The following RIN3 variants were observed in gnomAD, a reference collection of about 807,000 sequenced individuals.
RIN3 encodes Ras and Rab interactor 3.
Under a neutral mutation model 76.3 loss-of-function variants are expected in RIN3, and 54 were observed. The observed-to-expected ratio is 0.71, with a 90% CI of 0.57 to 0.89. The LOEUF is 0.89. Ranked by LOEUF, RIN3 falls within the 40% of genes least tolerant of loss-of-function variation. The pLI is 0.00. For synonymous variants in RIN3, 576 were observed against 564.0 expected (o/e 1.02, Z -0.30); for missense variants, 1,256 against 1,322.1 (o/e 0.95, Z 0.78).
At chr14:92,601,975 C>A (rs986992398) in intron 3 of RIN3, among the ~76,000 whole-genome samples, 6 of 152,242 alleles carry the variant, frequency 3.9e-5, no homozygotes, top group Admixed American at 6.5e-5. Flanking sequence ...TACGCACTTG[C>A]TCAATACGAA....
chr14:92,653,123 C>T (rs1050046368), intron 6 of RIN3, 48 bp downstream of exon 6: 4 of 1,543,776 alleles, frequency 2.6e-6, no homozygotes, highest in African/African-American at 2.7e-5. Flanking sequence ...CGGTGGGGCT[C>T]ACAGACTCAG....
At chr14:92,641,002 C>A (rs975969771) in intron 4 of RIN3, among the ~76,000 whole-genome samples, 1 of 152,042 alleles carries the variant, frequency 6.6e-6, no homozygotes, top group Admixed American at 6.5e-5. Context: ...GCAGTGACCC[C>A]GCCCCGCCAC....
intron 3 of RIN3, among the ~76,000 whole-genome samples, chr14:92,582,447 T>TC (rs1884586393): frequency 7.4e-6 from 1 of 135,882 alleles, no homozygotes; most frequent in Admixed American, 7.5e-5. Flanking sequence ...TTTTACTTTT[T>TC]TTTTTTTTTT....
intron 3 of RIN3, among the ~76,000 whole-genome samples, chr14:92,612,627 A>G (rs1265257199): frequency 6.6e-6 from 1 of 152,250 alleles, no homozygotes; most frequent in East Asian, 1.9e-4. Context: ...CTGCCCCAGC[A>G]TGCAGGGTCT....
intron 1 of RIN3, among the ~76,000 whole-genome samples, chr14:92,518,618 A>T (rs924585462): frequency 2.0e-5 from 3 of 152,154 alleles, no homozygotes; most frequent in Non-Finnish European, 4.4e-5. Flanking sequence ...TGTGCTCCTG[A>T]TACTTGTCAG....
intron 3 of RIN3, among the ~76,000 whole-genome samples, chr14:92,594,295 G>C (rs1885081740): frequency 6.6e-6 from 1 of 152,138 alleles, no homozygotes; most frequent in Non-Finnish European, 1.5e-5. Flanking sequence ...AGCTGGGCAT[G>C]GTGGCGCATG....
intron 1 of RIN3, among the ~76,000 whole-genome samples, chr14:92,537,630 G>A (rs1009794822): frequency 8.1e-6 from 1 of 123,392 alleles, no homozygotes; most frequent in African/African-American, 2.8e-5. Flanking sequence ...GAGTGCCTTA[G>A]GGACTTTTTT....
intron 3 of RIN3, among the ~76,000 whole-genome samples, chr14:92,583,771 C>T (rs1884651652): frequency 6.6e-6 from 1 of 152,164 alleles, no homozygotes; most frequent in Non-Finnish European, 1.5e-5. Flanking sequence ...GCATAGTATT[C>T]CATGGTGTAT....
chr14:92,657,094 C>T (rs1035448184), intron 6 of RIN3, among the ~76,000 whole-genome samples: 6 of 152,294 alleles, frequency 3.9e-5, no homozygotes, highest in East Asian at 3.9e-4. Context: ...TGTGGTGGCT[C>T]ACACCTGTAA....
intron 1 of RIN3, among the ~76,000 whole-genome samples, chr14:92,522,189 C>A (rs1319522647): frequency 6.6e-6 from 1 of 152,158 alleles, no homozygotes; most frequent in South Asian, 2.1e-4. Context: ...AGAGCACCTT[C>A]TTCCCCCTCC....
Position 92,688,601 on chromosome 14 carries a change from C to G in RIN3, c.*349C>G. 1 of 314,990 alleles carries G rather than the reference C, an allele frequency of 3.2e-6. No individual in the cohort carries two copies. The highest frequency in any genetic ancestry group is 5.4e-5 in the South Asian group (1 of 18,620). The allele number at this position is 314,990 out of a possible 1,614,324, so 19.5% of individuals were successfully genotyped here. ...TCCCCATGAGTCCCCCACACCCACC[C>G]CATCCTCGGTCTTTGCAAAGAAGGG... On this transcript the variant is annotated 3_prime_UTR_variant, in exon 10 of 10. Transcript: ENST00000216487.
chr14:92,516,085 C>T lies in RIN3; in HGVS notation c.44+2109C>T, dbSNP rs1403786592. Among the ~76,000 whole-genome samples the T allele has an allele frequency of 2.6e-5, 4 of 152,142 alleles. No individual in the cohort carries two copies. The East Asian group carries it at 7.7e-4, about 29-fold the overall frequency. ...TAGGGAGAGACCTAGCAGGCACCCC[C>T]ATGCAGCCCCACCATAGCAACTAGA... On this transcript the variant is annotated intron_variant, in intron 1 of 9. Coordinates refer to ENST00000216487, the MANE Select transcript of RIN3 (RefSeq NM_024832.5).
rs554356483 is a variant in RIN3, at chr14:92,562,014, C to T, written c.249+6059C>T. The stretch of plus-strand genomic sequence containing the variant: ...TTTTACCTAGCGTCTTTTCTCTGCT[C>T]CGGGATCCCATCCCATGTTACATTT... On this transcript the variant is annotated intron_variant, in intron 2 of 9. Transcript: ENST00000216487. Among the ~76,000 whole-genome samples the T allele has an allele frequency of 3.9e-5, 6 of 152,280 alleles. No individual in the cohort carries two copies. The South Asian group carries it at 1.0e-3, about 26-fold the overall frequency.
intron 4 of RIN3, among the ~76,000 whole-genome samples, chr14:92,632,671 C>T (rs997087323): frequency 2.0e-5 from 3 of 152,154 alleles, no homozygotes; most frequent in Admixed American, 1.3e-4. Context: ...CTACCAGGCC[C>T]GTGGCTGGGA....
At chr14:92,622,689 A>G (rs117228728) in intron 4 of RIN3, among the ~76,000 whole-genome samples, 1 of 152,334 alleles carries the variant, frequency 6.6e-6, no homozygotes, top group Non-Finnish European at 1.5e-5. Flanking sequence ...AGTTGACATC[A>G]TCAAAGGAGG....
chr14:92,593,655 C>T (rs1394441021), intron 3 of RIN3, among the ~76,000 whole-genome samples: 2 of 152,006 alleles, frequency 1.3e-5, no homozygotes, highest in East Asian at 1.9e-4. Flanking sequence ...CAAACCTGCA[C>T]GTTGTGCACA....
At chr14:92,659,889 G>C (rs993083096) in intron 7 of RIN3, among the ~76,000 whole-genome samples, 25 of 152,200 alleles carry the variant, frequency 1.6e-4, no homozygotes, top group African/African-American at 5.8e-4. Context: ...ACCAGGGAAG[G>C]TTCTGTTCCT....
chr14:92,576,530 G>A (rs376620836), intron 2 of RIN3: 11 of 668,466 alleles, frequency 1.6e-5, no homozygotes, highest in East Asian at 1.3e-4. Context: ...GAGGTCCCAA[G>A]CGTTGACACC....
rs183724136 is a variant in RIN3, at chr14:92,527,137, G to A, written c.44+13161G>A. Reference sequence around the variant, plus strand: ...ACGATCTCAGCTCACTGCAAGCTCCGCCTCCTGGGTTCACGCCATTCTCCT... The same window carrying A: ...ACGATCTCAGCTCACTGCAAGCTCCACCTCCTGGGTTCACGCCATTCTCCT... On this transcript the variant is annotated intron_variant, in intron 1 of 9. Coordinates refer to ENST00000216487, the MANE Select transcript of RIN3 (RefSeq NM_024832.5). Among the ~76,000 whole-genome samples the A allele has an allele frequency of 2.2e-3, 313 of 142,918 alleles. 2 individuals carry two copies. Among genetic ancestry groups the A allele is most frequent in the African/African-American group, 7.9e-3 (298 of 37,748 alleles). 93.8% of individuals were successfully genotyped at this position (142,918 alleles called of 152,430 possible).
Sources: gnomAD v4.1 joint callset for allele counts (sites outside exome capture counted in the v4.1 genomes callset) on GRCh38, gnomAD v4.1.1 for gene constraint, MANE v1.5 for transcripts, NCBI Gene and HGNC (gene_info 2026-07-23, HGNC 2026-07-21) for gene names.